IGSF11: variants seen among roughly 807,000 people sequenced by gnomAD.
IGSF11 encodes immunoglobulin superfamily member 11, also known as CXADR like 1.
In IGSF11, 22 loss-of-function variants were observed where a neutral mutation model predicts 41.0. The ratio of observed to expected loss-of-function variants is 0.54; its 90% confidence interval spans 0.38 to 0.77. IGSF11 has a LOEUF of 0.77. Among genes scored for constraint, IGSF11 ranks in the 30% least tolerant of loss-of-function variants. The pLI is 0.00. For missense variants in IGSF11, 444 were observed against 530.8 expected, an observed-to-expected ratio of 0.84 and a Z score of 1.61; for synonymous variants, 219 against 201.3, an observed-to-expected ratio of 1.09 and a Z score of -0.74.
intron 1 of IGSF11, among the ~76,000 whole-genome samples, chr3:119,127,913 A>G (rs1163191165): frequency 2.6e-5 from 4 of 152,184 alleles, no homozygotes; most frequent in African/African-American, 9.6e-5. Flanking sequence ...AACATTAACT[A>G]TGGAAAGGAA....
At position 119,073,485 on chromosome 3, in the gene IGSF11, C is replaced by T. The variant is rs1477096207; in HGVS notation, c.49+31659G>A. ...TGGCGCCCATCGGGGAGGCTCAGGC[C>T]GCATGGGAGCCCACCGTGGGGGGGC... On this transcript the variant is annotated intron_variant, in intron 1 of 6. Coordinates refer to the IGSF11 transcript ENST00000354673. Among the ~76,000 whole-genome samples the T allele has an allele frequency of 3.3e-5, 5 of 152,278 alleles. No individual in the cohort carries two copies. In the East Asian group the frequency reaches 5.8e-4, roughly 18 times the overall value.
In IGSF11 at chr3:118,999,609, G is replaced by GA. The variant is rs1213470238; in HGVS notation, c.52+34921dup. ...TGTAAGTGACTGAGCAAAAAATTTT[G>GA]AAAATATTCAATTTTTCTCATTGCA... On this transcript the variant is annotated intron_variant, in intron 1 of 6. Coordinates refer to ENST00000393775, the MANE Select transcript of IGSF11 (RefSeq NM_001015887.3). Among the ~76,000 whole-genome samples, 6 of 152,150 alleles carry GA rather than the reference G, an allele frequency of 3.9e-5. No individual in the cohort carries two copies. In the South Asian group the frequency reaches 8.3e-4, roughly 21 times the overall value.
chr3:119,087,028 C>T (rs1397256446), intron 1 of IGSF11, among the ~76,000 whole-genome samples: 1 of 152,058 alleles, frequency 6.6e-6, no homozygotes, highest in African/African-American at 2.4e-5. Flanking sequence ...GTAATGACAC[C>T]CACAGGCTCA....
chr3:119,048,279 G>C (rs1038831380), intron 1 of IGSF11, among the ~76,000 whole-genome samples: 1 of 151,786 alleles, frequency 6.6e-6, no homozygotes, highest in African/African-American at 2.4e-5. Flanking sequence ...AAAGAGAGAA[G>C]AATCAAATAG....
intron 4 of IGSF11, among the ~76,000 whole-genome samples, chr3:118,919,825 GC>G (rs1429895830): frequency 1.2e-5 from 1 of 84,686 alleles, no homozygotes; most frequent in Non-Finnish European, 2.3e-5. Flanking sequence ...GTTTATTGCG[GC>G]ATTATTCACA....
chr3:119,033,188 A>G (rs1468672442), intron 1 of IGSF11, among the ~76,000 whole-genome samples: 1 of 152,216 alleles, frequency 6.6e-6, no homozygotes, highest in East Asian at 1.9e-4. Flanking sequence ...ATTATAATAT[A>G]CAACTTTAAT....
At chr3:119,088,381 A>G (rs1180552094) in intron 1 of IGSF11, among the ~76,000 whole-genome samples, 1 of 152,218 alleles carries the variant, frequency 6.6e-6, no homozygotes, top group Admixed American at 6.5e-5. Flanking sequence ...AATTAATGAT[A>G]ATAGACACAC....
chr3:119,121,825 TACCA>T (rs1162609698), intron 1 of IGSF11, among the ~76,000 whole-genome samples: 1 of 151,982 alleles, frequency 6.6e-6, no homozygotes, highest in Non-Finnish European at 1.5e-5. Context: ...AAAAACAACC[TACCA>T]TGTACAAGGA....
At chr3:119,074,893 C>A (rs185676764) in intron 1 of IGSF11, among the ~76,000 whole-genome samples, 6 of 151,944 alleles carry the variant, frequency 3.9e-5, no homozygotes, top group Middle Eastern at 3.4e-3. Context: ...TTAGAAAGAT[C>A]TCAAATTAAC....
chr3:119,078,083 G>T (rs2076530016), intron 1 of IGSF11, among the ~76,000 whole-genome samples: 1 of 152,068 alleles, frequency 6.6e-6, no homozygotes, highest in Admixed American at 6.6e-5. Context: ...TTATTAATAT[G>T]GCCATACAGC....
chr3:118,987,784 A>G (rs962366262), intron 1 of IGSF11, among the ~76,000 whole-genome samples: 1 of 152,222 alleles, frequency 6.6e-6, no homozygotes, highest in Non-Finnish European at 1.5e-5. Context: ...GCCAGAAGCC[A>G]AGAAGGCACA....
chr3:118,902,987 G>A (rs779381267), intron 6 of IGSF11, 26 bp from the exon 7 acceptor site: 155 of 1,597,688 alleles, frequency 9.7e-5, no homozygotes, highest in Middle Eastern at 1.7e-4. Flanking sequence ...TAAAGTCGTT[G>A]TTAGGATTTA....
chr3:119,034,988 G>C (rs376005605), upstream of IGSF11: 1 of 293,982 alleles, frequency 3.4e-6, no homozygotes, highest in East Asian at 1.6e-4. Context: ...GACGCCTGGC[G>C]GCCCACCCGC....
At chr3:119,004,980 C>T (rs1025303604) in intron 1 of IGSF11, among the ~76,000 whole-genome samples, 29 of 151,086 alleles carry the variant, frequency 1.9e-4, no homozygotes, top group South Asian at 4.2e-4. Context: ...CTATTAGGTG[C>T]GCTTGGTGCA....
chr3:119,070,859 G>A (rs2076389046), intron 1 of IGSF11, among the ~76,000 whole-genome samples: 1 of 152,118 alleles, frequency 6.6e-6, no homozygotes, highest in Admixed American at 6.5e-5. Context: ...ATTCATGACA[G>A]GAGGCTCTGA....
rs1426177726 is a variant in IGSF11, at chr3:118,971,760, G to A, written c.53-41485C>T. Among the ~76,000 whole-genome samples, 5 of 145,668 alleles carry A rather than the reference G, an allele frequency of 3.4e-5. No homozygotes were observed. The East Asian group carries it at 8.1e-4, about 24-fold the overall frequency. ...AGAGGTTGAAGTGAGCTGAGATCACGCCACTGCACTCCAGCCTGGAAGACA... is the reference window on the plus strand; with the variant it reads ...AGAGGTTGAAGTGAGCTGAGATCACACCACTGCACTCCAGCCTGGAAGACA... On this transcript the variant is annotated intron_variant, in intron 1 of 6. Coordinates refer to ENST00000393775, the MANE Select transcript of IGSF11 (RefSeq NM_001015887.3).
At chr3:118,922,509 C>T (rs114362888) in intron 4 of IGSF11, among the ~76,000 whole-genome samples, 4,156 of 152,012 alleles carry the variant, frequency 0.027, 172 homozygotes, top group African/African-American at 0.094. Flanking sequence ...CCATAGTGTA[C>T]ATTAGATCTC....
chr3:118,950,624 A>G (rs982964525), intron 1 of IGSF11, among the ~76,000 whole-genome samples: 9 of 151,916 alleles, frequency 5.9e-5, no homozygotes, highest in Admixed American at 4.6e-4. Context: ...TAATGTATCT[A>G]TATAATAGAT....
intron 1 of IGSF11, among the ~76,000 whole-genome samples, chr3:119,083,595 C>T (rs1576778415): frequency 6.6e-6 from 1 of 151,768 alleles, no homozygotes; most frequent in African/African-American, 2.4e-5. Context: ...GATAACAGAC[C>T]TCATATATGA....
Sources: allele counts gnomAD v4.1 joint callset (sites outside exome capture counted in the v4.1 genomes callset), GRCh38; gene constraint gnomAD v4.1.1; transcripts MANE v1.5; gene names NCBI Gene and HGNC (gene_info 2026-07-23, HGNC 2026-07-21).